The following PLA2G7 variants were observed in gnomAD, a reference collection of about 807,000 sequenced individuals.
PLA2G7 encodes the protein platelet-activating factor acetylhydrolase.
A neutral mutation model predicts 49.6 loss-of-function variants in PLA2G7; 63 were observed. The ratio of observed to expected loss-of-function variants is 1.27; its 90% CI spans 1.04 to 1.57. The LOEUF is 1.57. Ranked by LOEUF, PLA2G7 falls within the 40% of genes most tolerant of loss-of-function variation. PLA2G7 has a pLI of 0.00. For missense variants in PLA2G7, 596 were observed against 521.2 expected (o/e 1.14, Z -1.40); for synonymous variants, 193 against 169.9 (o/e 1.14, Z -1.06).
intron 5 of PLA2G7, among the ~76,000 whole-genome samples, chr6:46,713,012 T>C (rs1765080544): frequency 6.6e-6 from 1 of 152,234 alleles, no homozygotes; most frequent in Non-Finnish European, 1.5e-5. Flanking sequence ...ACTATAATAG[T>C]ATGCTACCTC....
chr6:46,710,033 A>G (rs1219759323), intron 8 of PLA2G7, among the ~76,000 whole-genome samples: 2 of 152,162 alleles, frequency 1.3e-5, no homozygotes, highest in African/African-American at 4.8e-5. Flanking sequence ...AAAGGCAAGG[A>G]TACAGAAGAG....
intron 9 of PLA2G7, among the ~76,000 whole-genome samples, chr6:46,708,576 ATTACT>A (rs1275153441): frequency 6.6e-6 from 1 of 152,120 alleles, no homozygotes; most frequent in African/African-American, 2.4e-5. Context: ...AATTGGGCCC[ATTACT>A]TTATATTTAG....
intron 5 of PLA2G7, among the ~76,000 whole-genome samples, chr6:46,712,564 G>C (rs1017392992): frequency 6.6e-6 from 1 of 152,176 alleles, no homozygotes; most frequent in Non-Finnish European, 1.5e-5. Context: ...TATTTCTGGT[G>C]TCTAGTGGGT....
chr6:46,723,067 A>T, intron 1 of PLA2G7, 142 bp from the exon 2 acceptor site: 2 of 612,390 alleles, frequency 3.3e-6, no homozygotes, highest in Non-Finnish European at 5.9e-6. Context: ...TTAGATTGGT[A>T]CTACAATGGT....
At chr6:46,715,615 C>A (rs541962928) in intron 4 of PLA2G7, among the ~76,000 whole-genome samples, 1 of 152,268 alleles carries the variant, frequency 6.6e-6, no homozygotes, top group South Asian at 2.1e-4. Context: ...AATGCAGATG[C>A]AGTCATAAAG....
Position 46,710,885 on chromosome 6 carries a change from C to T in PLA2G7, c.664-227G>A, listed in dbSNP as rs188406431. Among the ~76,000 whole-genome samples the T allele has an allele frequency of 1.0e-3, 158 of 152,238 alleles. 1 individual carries two copies. Among genetic ancestry groups the T allele is most frequent in the Admixed American group, 1.0e-2 (152 of 15,274 alleles). On this transcript the variant is annotated intron_variant, in intron 7 of 11. Transcript: ENST00000274793. The stretch of plus-strand genomic sequence containing the variant: ...TGCTTACCTACTATGTGACTTCAGA[C>T]GATTTACTTAACCTCTCTGAGTTTC...
chr6:46,734,240 A>G (rs1489978163), intron 1 of PLA2G7, among the ~76,000 whole-genome samples: 1 of 152,040 alleles, frequency 6.6e-6, no homozygotes, highest in African/African-American at 2.4e-5. Flanking sequence ...GGTAGGACAA[A>G]GAGTGCTTTG....
chr6:46,712,117 T>A, intron 6 of PLA2G7, 152 bp downstream of exon 6: 1 of 634,372 alleles, frequency 1.6e-6, no homozygotes, highest in East Asian at 2.9e-5. Flanking sequence ...TTTAAGTCGA[T>A]AAACTCAATC....
intron 11 of PLA2G7, among the ~76,000 whole-genome samples, chr6:46,704,926 T>G (rs1203854017): frequency 6.6e-6 from 1 of 152,184 alleles, no homozygotes; most frequent in African/African-American, 2.4e-5. Flanking sequence ...CACTCTAGGC[T>G]TCATACAAAG....
At chr6:46,709,933 T>G (rs1764957054) in intron 8 of PLA2G7, among the ~76,000 whole-genome samples, 1 of 152,076 alleles carries the variant, frequency 6.6e-6, no homozygotes, top group Non-Finnish European at 1.5e-5. Context: ...AGAAAGCTTC[T>G]TAGAGGAGGT....
intron 8 of PLA2G7, 31 bp downstream of exon 8, chr6:46,710,514 G>A (rs781630323): frequency 1.5e-6 from 2 of 1,308,406 alleles, no homozygotes; most frequent in Non-Finnish European, 2.2e-6. Flanking sequence ...AGAACTGTAG[G>A]ACAAGAGAAA....
At position 46,731,801 on chromosome 6, in the gene PLA2G7, A is replaced by G. The variant is rs148494378; in HGVS notation, c.-35+3379T>C. Among the ~76,000 whole-genome samples, 524 of 152,288 alleles carry G rather than the reference A, an allele frequency of 3.4e-3. 2 individuals are homozygous for G. The highest frequency in any genetic ancestry group is 0.012 in the African/African-American group (496 of 41,540). ...TTTGTTTATTAGTTTTTACAAGTGG[A>G]CCAGGTATAGCAATCTCATTCCCAT... On this transcript the variant is annotated intron_variant, in intron 1 of 11. Transcript: ENST00000274793.
chr6:46,718,229 G>A (rs1382121915), intron 2 of PLA2G7, among the ~76,000 whole-genome samples: 5 of 152,212 alleles, frequency 3.3e-5, no homozygotes, highest in African/African-American at 1.2e-4. Context: ...AATCACACCA[G>A]ACAATTCTTA....
intron 1 of PLA2G7, among the ~76,000 whole-genome samples, chr6:46,733,832 C>G (rs1382870826): frequency 2.0e-5 from 3 of 152,184 alleles, no homozygotes; most frequent in African/African-American, 7.2e-5. Context: ...CTTGGGATTG[C>G]CAACACCTCA....
At chr6:46,714,348 C>A in intron 5 of PLA2G7, 112 bp downstream of exon 5, 1 of 787,638 alleles carries the variant, frequency 1.3e-6, no homozygotes, top group South Asian at 1.4e-5. Flanking sequence ...GGAAACCCAA[C>A]TCCTCCAGAC....
intron 10 of PLA2G7, among the ~76,000 whole-genome samples, chr6:46,706,640 TCA>T (rs1050558301): frequency 1.3e-5 from 2 of 151,954 alleles, no homozygotes; most frequent in Non-Finnish European, 2.9e-5. Context: ...ACCACAAGAG[TCA>T]AAGAGTGAAT....
chr6:46,717,027 T>C lies in PLA2G7; in HGVS notation c.179A>G (p.Asn60Ser). 1 of 1,613,694 alleles carries C rather than the reference T, an allele frequency of 6.2e-7. No homozygotes were observed. Among genetic ancestry groups the C allele is most frequent in the Non-Finnish European group, 8.5e-7 (1 of 1,179,586 alleles). The change falls in exon 3 of 12, where the codon AAT (asparagine) becomes AGT (serine). Residue 60 changes from asparagine (N) to serine (S), a missense_variant. By Grantham distance (46) the Asn-to-Ser change is conservative. Transcript: ENST00000274793. ...SFGQTKIPRG[N>S]GPYSVGCTDL... ...TGTACAACCAACGGAATAAGGCCCA[T>C]TTCCCCGGGGGATTTTAGTTTGGCC...
rs780575217 is a variant in PLA2G7, at chr6:46,712,346, CAA to C, written c.471-11_471-10del. ...TAGCAGAATAAAGTGTCCTTCAAAA[CAA>C]AAAGAGGGAAGAATTACAACTACCA... On this transcript the variant is annotated splice_polypyrimidine_tract_variant and intron_variant, in intron 5 of 11. Coordinates refer to ENST00000274793, the MANE Select transcript of PLA2G7 (RefSeq NM_005084.4). The C allele has an allele frequency of 2.5e-6, 4 of 1,603,174 alleles. No homozygotes were observed. The Admixed American group carries it at 6.7e-5, about 27-fold the overall frequency.
intron 10 of PLA2G7, among the ~76,000 whole-genome samples, chr6:46,707,747 AT>A (rs907301290): frequency 3.3e-5 from 5 of 152,202 alleles, no homozygotes; most frequent in Non-Finnish European, 5.9e-5. Context: ...AGTCTCAGGT[AT>A]TTCCATATAG....
Sources: allele counts gnomAD v4.1 joint callset (sites outside exome capture counted in the v4.1 genomes callset), GRCh38; gene constraint gnomAD v4.1.1; transcripts MANE v1.5; gene names NCBI Gene and HGNC (gene_info 2026-07-23, HGNC 2026-07-21).